KAZN: variants seen among roughly 807,000 people sequenced by gnomAD.
KAZN encodes the protein kazrin.
A neutral mutation model predicts 87.4 loss-of-function variants in KAZN; 40 were observed. That is an observed-to-expected ratio of 0.46 (90% CI 0.36 to 0.60). The LOEUF (loss-of-function observed/expected upper bound fraction) is 0.60, where lower values mean the gene tolerates loss of function less well. KAZN is among the 20% of genes least tolerant of loss of function. KAZN has a pLI of 0.00. For missense variants in KAZN, 898 were observed against 1,073.9 expected (o/e 0.84, Z 2.29); for synonymous variants, 466 against 458.3 (o/e 1.02, Z -0.22).
At chr1:14,356,543 G>T (rs994451725) in intron 2 of KAZN, among the ~76,000 whole-genome samples, 1 of 150,002 alleles carries the variant, frequency 6.7e-6, no homozygotes, top group African/African-American at 2.5e-5. Flanking sequence ...TTCTTCTAGG[G>T]TTTTTATGGT....
intron 2 of KAZN, among the ~76,000 whole-genome samples, chr1:14,414,070 G>GC (rs1216724520): frequency 1.3e-5 from 2 of 152,128 alleles, no homozygotes; most frequent in Non-Finnish European, 2.9e-5. Context: ...AATGTCCAAG[G>GC]CCCATAACAT....
intron 13 of KAZN, among the ~76,000 whole-genome samples, chr1:15,104,483 A>G (rs1328330208): frequency 1.3e-5 from 2 of 152,236 alleles, no homozygotes; most frequent in African/African-American, 4.8e-5. Context: ...CAAGCAGTGC[A>G]TGTGTAAGGA....
chr1:14,149,032 A>AGCCTGCCT (rs1168671093), intron 1 of KAZN, among the ~76,000 whole-genome samples: 3 of 149,124 alleles, frequency 2.0e-5, no homozygotes, highest in Non-Finnish European at 4.4e-5. Flanking sequence ...TTCCACATAC[A>AGCCTGCCT]GCCTGCCTGC....
At chr1:14,833,795 G>A (rs72638325) in intron 1 of KAZN, among the ~76,000 whole-genome samples, 5 of 152,166 alleles carry the variant, frequency 3.3e-5, no homozygotes, top group Non-Finnish European at 5.9e-5. Context: ...AGGTGTTGCC[G>A]CTCCAAGGCT....
At chr1:14,064,499 G>A (rs1642926746) in intron 1 of KAZN, among the ~76,000 whole-genome samples, 1 of 152,226 alleles carries the variant, frequency 6.6e-6, no homozygotes, top group Non-Finnish European at 1.5e-5. Context: ...CTGTAGAGGG[G>A]CTCACTAAGC....
intron 2 of KAZN, among the ~76,000 whole-genome samples, chr1:14,997,301 C>T (rs765539410): frequency 4.0e-5 from 6 of 151,264 alleles, no homozygotes; most frequent in African/African-American, 1.2e-4. Flanking sequence ...AGTGCAATGG[C>T]GCGATCTCAG....
intron 2 of KAZN, among the ~76,000 whole-genome samples, chr1:15,013,995 A>G (rs547631900): frequency 2.6e-5 from 4 of 152,244 alleles, no homozygotes; most frequent in African/African-American, 9.6e-5. Context: ...CTCAGGAAGG[A>G]TGCTTAAGTG....
intron 1 of KAZN, among the ~76,000 whole-genome samples, chr1:14,805,064 C>A (rs918337564): frequency 6.6e-6 from 1 of 152,238 alleles, no homozygotes; most frequent in African/African-American, 2.4e-5. Flanking sequence ...GGGAGAAAAC[C>A]GTACCTGTTG....
In KAZN at chr1:15,090,354, G is replaced by C. The variant is rs550257522; in HGVS notation, c.1223-3826G>C. Among the ~76,000 whole-genome samples the C allele has an allele frequency of 8.5e-5, 13 of 152,316 alleles. 1 individual carries two copies. In the South Asian group the frequency reaches 2.5e-3, roughly 29 times the overall value. Reference sequence around the variant, plus strand: ...AAGCCAGCCAGGCTGGAGGCCTCCCGGGGGCTCTCAGCTCTTTCCCATCCA... The same window carrying C: ...AAGCCAGCCAGGCTGGAGGCCTCCCCGGGGCTCTCAGCTCTTTCCCATCCA... On this transcript the variant is annotated intron_variant, in intron 8 of 14. Transcript: ENST00000376030.
intron 1 of KAZN, among the ~76,000 whole-genome samples, chr1:14,871,367 G>C (rs1040400786): frequency 5.3e-5 from 8 of 152,154 alleles, no homozygotes; most frequent in African/African-American, 1.9e-4. Flanking sequence ...TAAAGCTCTG[G>C]TTTCCTTTTG....
intron 1 of KAZN, among the ~76,000 whole-genome samples, chr1:13,933,830 C>T (rs1351800571): frequency 6.6e-6 from 1 of 152,210 alleles, no homozygotes; most frequent in African/African-American, 2.4e-5. Flanking sequence ...CTTTCCTAAG[C>T]CACATATCTG....
intron 1 of KAZN, among the ~76,000 whole-genome samples, chr1:14,656,033 A>G (rs932825879): frequency 6.6e-6 from 1 of 152,016 alleles, no homozygotes; most frequent in Non-Finnish European, 1.5e-5. Flanking sequence ...CCTTCATTCA[A>G]CCCACACTTG....
rs1351314583 is a variant in KAZN at position 14,943,029 on chromosome 1, T to G, written c.227-17655T>G. Among the ~76,000 whole-genome samples the G allele has an allele frequency of 4.4e-3, 607 of 137,256 alleles. 40 individuals are homozygous for G. Among genetic ancestry groups the G allele is most frequent in the African/African-American group, 0.019 (570 of 29,822 alleles). The allele number at this position is 137,256 out of a possible 152,430, so 90.0% of individuals were successfully genotyped here. On this transcript the variant is annotated intron_variant, in intron 1 of 14. Coordinates refer to ENST00000376030, the MANE Select transcript of KAZN (RefSeq NM_201628.3). ...TGTGGTGTGTGTGTGTGTGTGTGTG[T>G]GTGTGTGTGTGTGTGTGTGTGTTGG... is the stretch of plus-strand genomic sequence containing the variant.
At chr1:15,084,125 G>T (rs528529502) in intron 8 of KAZN, among the ~76,000 whole-genome samples, 1 of 152,292 alleles carries the variant, frequency 6.6e-6, no homozygotes, top group South Asian at 2.1e-4. Context: ...AACAGGGAAG[G>T]GCTGAGCTGG....
chr1:14,515,816 A>C (rs1187804120), intron 2 of KAZN, among the ~76,000 whole-genome samples: 1 of 151,994 alleles, frequency 6.6e-6, no homozygotes, highest in Non-Finnish European at 1.5e-5. Flanking sequence ...TTCATGGCTC[A>C]AATGGTTCTT....
chr1:14,768,322 C>T lies in KAZN; in HGVS notation c.226+169099C>T, dbSNP rs1644937277. The stretch of plus-strand genomic sequence containing the variant: ...TATTTGTGGAGCACTTCTTGTGAGC[C>T]AGGCATCTCATGTGCCAAGATCAAT... On this transcript the variant is annotated intron_variant, in intron 1 of 14. Transcript: ENST00000376030. 2.6e-5 allele frequency among the ~76,000 whole-genome samples: 4 copies of T among 152,148 alleles called. No individual in the cohort carries two copies. The South Asian group carries it at 8.3e-4, about 32-fold the overall frequency.
At chr1:15,069,655 A>C (rs1639420656) in intron 8 of KAZN, among the ~76,000 whole-genome samples, 2 of 152,220 alleles carry the variant, frequency 1.3e-5, no homozygotes, top group South Asian at 4.1e-4. Flanking sequence ...TTAAAAAAGA[A>C]TCTTCTCCAG....
intron 2 of KAZN, among the ~76,000 whole-genome samples, chr1:14,565,769 T>G (rs1286896120): frequency 6.6e-6 from 1 of 152,224 alleles, no homozygotes; most frequent in East Asian, 1.9e-4. Flanking sequence ...AGCCACTTTC[T>G]TTGCTCTTCC....
At chr1:14,705,727 AG>A (rs1169951841) in intron 1 of KAZN, among the ~76,000 whole-genome samples, 2 of 152,232 alleles carry the variant, frequency 1.3e-5, no homozygotes, top group Non-Finnish European at 2.9e-5. Flanking sequence ...AAGCTAAAAA[AG>A]TTTATCTAAA....
Sources: allele counts gnomAD v4.1 joint callset (sites outside exome capture counted in the v4.1 genomes callset), GRCh38; gene constraint gnomAD v4.1.1; transcripts MANE v1.5; gene names NCBI Gene and HGNC (gene_info 2026-07-23, HGNC 2026-07-21).